The following NRG1 variants were observed in gnomAD, a reference collection of about 807,000 sequenced individuals.
The protein encoded by NRG1 is pro-neuregulin-1, membrane-bound isoform.
Under a neutral mutation model 63.8 loss-of-function variants are expected in NRG1, and 18 were observed. The ratio of observed to expected loss-of-function variants is 0.28; its 90% confidence interval spans 0.19 to 0.42. NRG1 has a LOEUF of 0.42. NRG1 is among the 10% of genes least tolerant of loss of function. NRG1 has a pLI of 1.00. For synonymous variants in NRG1, 302 were observed against 301.3 expected, an observed-to-expected ratio of 1.00 and a Z score of -0.02; for missense variants, 762 against 814.7, an observed-to-expected ratio of 0.94 and a Z score of 0.79.
At chr8:31,767,308 A>C (rs770627250) in intron 1 of NRG1, among the ~76,000 whole-genome samples, 4 of 152,222 alleles carry the variant, frequency 2.6e-5, no homozygotes, top group Non-Finnish European at 5.9e-5. Context: ...TAATTTGTTA[A>C]AATGTGTGGC....
chr8:32,626,898 G>A (rs1024984913), intron 5 of NRG1, among the ~76,000 whole-genome samples: 4 of 151,874 alleles, frequency 2.6e-5, no homozygotes, highest in African/African-American at 9.7e-5. Flanking sequence ...GCACATGTCT[G>A]TAATCCCAGC....
intron 1 of NRG1, among the ~76,000 whole-genome samples, chr8:31,916,644 G>A (rs1833414649): frequency 6.6e-6 from 1 of 152,128 alleles, no homozygotes. Context: ...TTGCTATTGT[G>A]AATAGTGCTG....
At chr8:32,574,636 A>G (rs1242949582) in intron 1 of NRG1, among the ~76,000 whole-genome samples, 1 of 151,950 alleles carries the variant, frequency 6.6e-6, no homozygotes, top group Non-Finnish European at 1.5e-5. Flanking sequence ...TGCTTTCACC[A>G]TGTGATGTCC....
chr8:32,217,801 C>T (rs1445177146), intron 1 of NRG1, among the ~76,000 whole-genome samples: 1 of 152,172 alleles, frequency 6.6e-6, no homozygotes, highest in East Asian at 1.9e-4. Flanking sequence ...ATCTGGTATA[C>T]ATCATAGAAC....
At chr8:32,739,995 A>G (rs1825939783) in intron 6 of NRG1, among the ~76,000 whole-genome samples, 1 of 152,170 alleles carries the variant, frequency 6.6e-6, no homozygotes, top group African/African-American at 2.4e-5. Context: ...CTTTAATTAT[A>G]GGGTTTGTCT....
chr8:31,798,531 C>G lies in NRG1; in HGVS notation c.37+159100C>G, dbSNP rs141867673. On this transcript the variant is annotated intron_variant, in intron 1 of 10. Transcript: ENST00000519301. ...TGTTAAATGAACAGAGAATCTTGACCTCCTTTCAGAGGCTGAAGGATTCCT... is the reference window on the plus strand; with the variant it reads ...TGTTAAATGAACAGAGAATCTTGACGTCCTTTCAGAGGCTGAAGGATTCCT... 8.5e-5 allele frequency among the ~76,000 whole-genome samples: 13 copies of G among 152,248 alleles called. No individual in the cohort carries two copies. The East Asian group carries it at 9.6e-4, about 11-fold the overall frequency.
intron 1 of NRG1, among the ~76,000 whole-genome samples, chr8:32,329,201 T>A (rs766169540): frequency 6.6e-6 from 1 of 152,232 alleles, no homozygotes; most frequent in Admixed American, 6.5e-5. Flanking sequence ...CTTCGTGGGC[T>A]CAAGAGATCC....
chr8:32,232,334 G>A (rs1176732130), intron 1 of NRG1, among the ~76,000 whole-genome samples: 1 of 152,150 alleles, frequency 6.6e-6, no homozygotes, highest in Non-Finnish European at 1.5e-5. Context: ...TGCAAAGATG[G>A]GTAGTGTTTT....
rs571487497 is a variant in NRG1 at position 31,997,103 on chromosome 8, T to C, written c.37+357672T>C. On this transcript the variant is annotated intron_variant, in intron 1 of 10. Transcript: ENST00000519301. ...CCCATATTGGTAAATATTGATTTAA[T>C]TTTTTAATTGAATGGGAATAATATG... 2.6e-5 allele frequency among the ~76,000 whole-genome samples: 4 copies of C among 152,002 alleles called. No individual in the cohort carries two copies. In the East Asian group the frequency reaches 7.8e-4, roughly 30 times the overall value.
At chr8:31,921,288 G>T (rs1182093344) in intron 1 of NRG1, among the ~76,000 whole-genome samples, 7 of 152,118 alleles carry the variant, frequency 4.6e-5, no homozygotes, top group Non-Finnish European at 7.3e-5. Context: ...ATGTCTGTCA[G>T]CCTGGGTGAT....
At chr8:31,938,256 C>T (rs1300279762) in intron 1 of NRG1, among the ~76,000 whole-genome samples, 1 of 152,152 alleles carries the variant, frequency 6.6e-6, no homozygotes, top group Non-Finnish European at 1.5e-5. Flanking sequence ...TTCCCCAGTA[C>T]AAGCCCAGAG....
intron 1 of NRG1, among the ~76,000 whole-genome samples, chr8:32,155,223 G>A (rs1019593259): frequency 6.6e-6 from 1 of 152,058 alleles, no homozygotes; most frequent in Admixed American, 6.6e-5. Context: ...TCACAAATCT[G>A]TTACTAACTA....
chr8:32,072,240 C>T (rs959313524), intron 1 of NRG1, among the ~76,000 whole-genome samples: 19 of 147,828 alleles, frequency 1.3e-4, no homozygotes, highest in Admixed American at 1.2e-3. Flanking sequence ...CAGAGAACCA[C>T]TCTAACTTCT....
chr8:32,282,775 A>C (rs1853031942), intron 1 of NRG1, among the ~76,000 whole-genome samples: 1 of 152,196 alleles, frequency 6.6e-6, no homozygotes, highest in African/African-American at 2.4e-5. Context: ...ATGATTTTTA[A>C]AGGAATCATA....
chr8:32,076,458 A>G (rs11781266), intron 1 of NRG1, among the ~76,000 whole-genome samples: 50,593 of 152,124 alleles, frequency 0.33, 9,212 homozygotes, highest in East Asian at 0.65. Flanking sequence ...TATTCTGTTA[A>G]CATAGTTCAC....
chr8:31,917,606 T>A (rs1173181173), intron 1 of NRG1, among the ~76,000 whole-genome samples: 2 of 152,180 alleles, frequency 1.3e-5, no homozygotes, highest in African/African-American at 4.8e-5. Flanking sequence ...TTGGTTACTG[T>A]AGCCTTGTAG....
intron 1 of NRG1, among the ~76,000 whole-genome samples, chr8:31,685,950 A>C (rs914950752): frequency 6.6e-6 from 1 of 152,198 alleles, no homozygotes; most frequent in East Asian, 1.9e-4. Context: ...TAATGGTACT[A>C]TGAACATTCA....
chr8:32,609,388 G>GA (rs1484208264), intron 3 of NRG1, among the ~76,000 whole-genome samples: 1 of 152,020 alleles, frequency 6.6e-6, no homozygotes, highest in Non-Finnish European at 1.5e-5. Context: ...GTCTCCCTAG[G>GA]AATCAGGGCA....
chr8:31,687,001 T>G (rs1014129869), intron 1 of NRG1, among the ~76,000 whole-genome samples: 6 of 152,122 alleles, frequency 3.9e-5, no homozygotes, highest in African/African-American at 1.2e-4. Flanking sequence ...ACTCCTGACC[T>G]CAAAGGATCT....
Sources: allele counts gnomAD v4.1 joint callset (sites outside exome capture counted in the v4.1 genomes callset), GRCh38; gene constraint gnomAD v4.1.1; transcripts MANE v1.5; gene names NCBI Gene and HGNC (gene_info 2026-07-23, HGNC 2026-07-21).